Variants in KIF16B observed in about 807,000 individuals in gnomAD.
The protein encoded by KIF16B is kinesin-like protein KIF16B.
KIF16B carries 98 observed loss-of-function variants against 156.3 expected under a neutral mutation model. The observed-to-expected ratio is 0.63, with a 90% CI of 0.53 to 0.74. The LOEUF (loss-of-function observed/expected upper bound fraction) is 0.74. Among genes scored for constraint, KIF16B ranks in the 30% least tolerant of loss-of-function variants. KIF16B has a pLI of 0.00. For synonymous variants in KIF16B, 564 were observed against 583.7 expected, an observed-to-expected ratio of 0.97 and a Z score of 0.49; for missense variants, 1,421 against 1,606.5, an observed-to-expected ratio of 0.88 and a Z score of 1.97.
At chr20:16,281,357 G>A (rs68088277) in intron 25 of KIF16B, among the ~76,000 whole-genome samples, 5 of 151,970 alleles carry the variant, frequency 3.3e-5, no homozygotes, top group Admixed American at 6.6e-5. Context: ...CATTTAACTC[G>A]CAGTACTTGG....
At chr20:16,402,411 T>C (rs909212067) in intron 17 of KIF16B, among the ~76,000 whole-genome samples, 2 of 152,202 alleles carry the variant, frequency 1.3e-5, no homozygotes, top group South Asian at 4.1e-4. Context: ...TCCTGACTGG[T>C]TCATAGGAGG....
At position 16,282,067 on chromosome 20, in the gene KIF16B, T is replaced by C. The variant is rs1453431167; in HGVS notation, c.3796-8656A>G. ...TTTTTTTTGAGACAGAGTCTCACTCTGTCACTCAGGCTGGAGTGCAGTGGC... is the reference window on the plus strand; with the variant it reads ...TTTTTTTTGAGACAGAGTCTCACTCCGTCACTCAGGCTGGAGTGCAGTGGC... On this transcript the variant is annotated intron_variant, in intron 25 of 25. Coordinates refer to ENST00000354981, the MANE Select transcript of KIF16B (RefSeq NM_024704.5). Among the ~76,000 whole-genome samples, 3 of 147,360 alleles carry C rather than the reference T, an allele frequency of 2.0e-5. No homozygotes were observed. In the East Asian group the frequency reaches 6.3e-4, roughly 31 times the overall value.
At chr20:16,416,052 T>C (rs1467230677) in intron 15 of KIF16B, among the ~76,000 whole-genome samples, 1 of 152,176 alleles carries the variant, frequency 6.6e-6, no homozygotes, top group Non-Finnish European at 1.5e-5. Flanking sequence ...TGCTCACTTT[T>C]TAATGTTTAT....
chr20:16,342,503 G>T (rs2064157263), intron 23 of KIF16B, among the ~76,000 whole-genome samples: 1 of 152,150 alleles, frequency 6.6e-6, no homozygotes, highest in African/African-American at 2.4e-5. Flanking sequence ...TGGAGTCTTG[G>T]TTGCTGTTAT....
At chr20:16,543,187 A>G (rs950707234) in intron 1 of KIF16B, among the ~76,000 whole-genome samples, 2 of 152,218 alleles carry the variant, frequency 1.3e-5, no homozygotes, top group African/African-American at 4.8e-5. Flanking sequence ...CTGGGATTCT[A>G]TAAGAATGTG....
chr20:16,317,295 C>CA, intron 24 of KIF16B, among the ~76,000 whole-genome samples: 2 of 152,134 alleles, frequency 1.3e-5, no homozygotes, highest in Non-Finnish European at 2.9e-5. Flanking sequence ...TAGCCTCTGA[C>CA]AAAGGAGATA....
chr20:16,517,937 C>G (rs991271045), intron 3 of KIF16B, among the ~76,000 whole-genome samples: 1 of 152,132 alleles, frequency 6.6e-6, no homozygotes, highest in Non-Finnish European at 1.5e-5. Context: ...ACATTTAAAC[C>G]AAACCCAAAG....
At chr20:16,494,467 G>A (rs6044027) in intron 11 of KIF16B, 117 bp from the exon 12 acceptor site, 159,818 of 606,834 alleles carry the variant, frequency 0.26, 22,579 homozygotes, top group East Asian at 0.33. Context: ...AAATGAGATC[G>A]CGACTTTTAC....
chr20:16,446,188 T>C (rs1262990716), intron 12 of KIF16B, among the ~76,000 whole-genome samples: 1 of 152,110 alleles, frequency 6.6e-6, no homozygotes, highest in Non-Finnish European at 1.5e-5. Context: ...GAGAAAACAA[T>C]CAAGAAAGCT....
At chr20:16,527,693 C>T (rs986867377) in intron 2 of KIF16B, among the ~76,000 whole-genome samples, 4 of 152,150 alleles carry the variant, frequency 2.6e-5, no homozygotes, top group African/African-American at 4.8e-5. Context: ...CCTCCCATCT[C>T]AGCCTCTCGA....
At chr20:16,347,539 A>G (rs2123071480) in intron 23 of KIF16B, among the ~76,000 whole-genome samples, 1 of 152,304 alleles carries the variant, frequency 6.6e-6, no homozygotes, top group African/African-American at 2.4e-5. Context: ...ATAAAAGATC[A>G]GTTGGTTTGT....
Position 16,560,772 on chromosome 20 carries a change from G to A in KIF16B, c.47+12457C>T, listed in dbSNP as rs115916973. 9.1e-3 allele frequency among the ~76,000 whole-genome samples: 1,389 copies of A among 151,926 alleles called. 23 individuals are homozygous for A. Among genetic ancestry groups the A allele is most frequent in the African/African-American group, 0.031 (1,290 of 41,402 alleles). On this transcript the variant is annotated intron_variant, in intron 1 of 25. Coordinates refer to ENST00000354981, the MANE Select transcript of KIF16B (RefSeq NM_024704.5). ...TGCACTCAAGCCTGGGTGACAAAGT[G>A]AGATATTATCTCAAAAAAAAAGAAA...
chr20:16,367,974 G>A (rs2064718761), intron 22 of KIF16B: 15 of 1,438,492 alleles, frequency 1.0e-5, no homozygotes, highest in African/African-American at 4.3e-5. Flanking sequence ...TCATTGAGCC[G>A]AGATTATCTG....
chr20:16,303,403 C>T (rs2063499505), intron 25 of KIF16B, among the ~76,000 whole-genome samples: 2 of 152,188 alleles, frequency 1.3e-5, no homozygotes, highest in South Asian at 4.1e-4. Flanking sequence ...ATTTGATCCC[C>T]TCAACAATCC....
intron 1 of KIF16B, among the ~76,000 whole-genome samples, chr20:16,540,505 C>G (rs991605486): frequency 2.6e-5 from 4 of 152,194 alleles, no homozygotes; most frequent in Non-Finnish European, 5.9e-5. Context: ...GCAAAAGCTA[C>G]TGACCCTCTT....
At chr20:16,495,488 C>A (rs1337951076) in intron 11 of KIF16B, among the ~76,000 whole-genome samples, 1 of 152,148 alleles carries the variant, frequency 6.6e-6, no homozygotes, top group Non-Finnish European at 1.5e-5. Context: ...ATCTCATTCA[C>A]CTATAGTCAA....
At chr20:16,483,135 G>C (rs964789196) in intron 12 of KIF16B, among the ~76,000 whole-genome samples, 7 of 152,190 alleles carry the variant, frequency 4.6e-5, no homozygotes, top group Non-Finnish European at 8.8e-5. Context: ...AGGGAGATAT[G>C]AATCTGTAAT....
chr20:16,472,270 C>T (rs1422558999), intron 12 of KIF16B, among the ~76,000 whole-genome samples: 1 of 152,184 alleles, frequency 6.6e-6, no homozygotes, highest in African/African-American at 2.4e-5. Flanking sequence ...TGGTTCTTCA[C>T]AGAAAGTCTG....
At chr20:16,486,559 G>A (rs926366181) in intron 12 of KIF16B, among the ~76,000 whole-genome samples, 3 of 152,090 alleles carry the variant, frequency 2.0e-5, no homozygotes, top group Admixed American at 1.3e-4. Context: ...CCTACACATG[G>A]ACTGCACTAA....
Sources: allele counts gnomAD v4.1 joint callset (sites outside exome capture counted in the v4.1 genomes callset), GRCh38; gene constraint gnomAD v4.1.1; transcripts MANE v1.5; gene names NCBI Gene and HGNC (gene_info 2026-07-23, HGNC 2026-07-21).